Variants in TMEM132B observed in about 807,000 individuals in gnomAD.
The protein encoded by TMEM132B is transmembrane protein 132B.
TMEM132B carries 18 observed loss-of-function variants against 90.8 expected under a neutral mutation model. That is an observed-to-expected ratio of 0.20 (90% confidence interval 0.14 to 0.29). The LOEUF (loss-of-function observed/expected upper bound fraction) is 0.29. Among genes scored for constraint, TMEM132B ranks in the 10% least tolerant of loss-of-function variants. TMEM132B has a pLI of 1.00. For missense variants in TMEM132B, 1,096 were observed against 1,326.8 expected (o/e 0.83, Z 2.70); for synonymous variants, 504 against 523.3 (o/e 0.96, Z 0.50).
chr12:125,447,282 G>A (rs1303843856), intron 3 of TMEM132B, among the ~76,000 whole-genome samples: 1 of 148,998 alleles, frequency 6.7e-6, no homozygotes, highest in Admixed American at 6.7e-5. Context: ...ATTTATTTCT[G>A]TTTTTTTTTG....
chr12:125,463,552 G>A (rs1487881469), intron 3 of TMEM132B, among the ~76,000 whole-genome samples: 6 of 152,224 alleles, frequency 3.9e-5, no homozygotes, highest in African/African-American at 1.2e-4. Context: ...CTCCATGACC[G>A]TGCACTTGGA....
At chr12:125,379,387 G>T (rs576769584) in intron 2 of TMEM132B, among the ~76,000 whole-genome samples, 1 of 152,220 alleles carries the variant, frequency 6.6e-6, no homozygotes, top group Non-Finnish European at 1.5e-5. Context: ...ATGCAGGAAG[G>T]GGCCACAAGC....
At position 125,655,913 on chromosome 12, in the gene TMEM132B, C is replaced by T; in HGVS notation, c.*1203C>T. The T allele has an allele frequency of 6.6e-6, 1 of 151,558 alleles. No homozygotes were observed. The highest frequency in any genetic ancestry group is 1.5e-5 in the Non-Finnish European group (1 of 67,906). The allele number at this position is 151,558 out of a possible 1,614,324, so 9.4% of individuals were successfully genotyped here. A position where few individuals can be genotyped will look rare whatever the true frequency, so the allele number is the denominator to read the frequency against. ...AATCATGACTTTGGCAGAGATAAAACATTGACAAGGGTGTGCATTTGTGGA... is the reference window on the plus strand; with the variant it reads ...AATCATGACTTTGGCAGAGATAAAATATTGACAAGGGTGTGCATTTGTGGA... On this transcript the variant is annotated 3_prime_UTR_variant, in exon 9 of 9. Transcript: ENST00000682704.
chr12:125,488,963 C>T (rs10773168), intron 3 of TMEM132B, among the ~76,000 whole-genome samples: 1 of 152,170 alleles, frequency 6.6e-6, no homozygotes, highest in African/African-American at 2.4e-5. Context: ...TAAAGATCTT[C>T]GGAATAAGGC....
At chr12:125,292,948 GTGT>G (rs1191029042) in intron 1 of TMEM132B, among the ~76,000 whole-genome samples, 1 of 152,216 alleles carries the variant, frequency 6.6e-6, no homozygotes, top group Non-Finnish European at 1.5e-5. Flanking sequence ...GAAAATTGAG[GTGT>G]TGTTAGCAAA....
intron 1 of TMEM132B, among the ~76,000 whole-genome samples, chr12:125,325,668 CCTGTGTGTGT>C (rs1196428819): frequency 0.023 from 3,161 of 139,442 alleles, 51 homozygotes; most frequent in Non-Finnish European, 0.029. Context: ...TGCCTCCCAC[CCTGTGTGTGT>C]GTGTGTGTGT....
intron 5 of TMEM132B, among the ~76,000 whole-genome samples, chr12:125,589,293 T>C (rs575107505): frequency 5.8e-4 from 88 of 151,830 alleles, no homozygotes; most frequent in Middle Eastern, 3.4e-3. Context: ...CCATCCTGGC[T>C]AACACGGTGA....
chr12:125,366,613 C>A (rs749111646), intron 2 of TMEM132B, among the ~76,000 whole-genome samples: 1 of 152,144 alleles, frequency 6.6e-6, no homozygotes, highest in African/African-American at 2.4e-5. Flanking sequence ...CTTTGCCTTT[C>A]AACGGTTTAG....
chr12:125,278,693 A>T (rs1002489890), intron 1 of TMEM132B, among the ~76,000 whole-genome samples: 1 of 152,154 alleles, frequency 6.6e-6, no homozygotes, highest in African/African-American at 2.4e-5. Context: ...ATTTTTATCA[A>T]ATGTTCATGT....
At chr12:125,255,658 G>C (rs1247106532) in intron 1 of TMEM132B, among the ~76,000 whole-genome samples, 2 of 152,146 alleles carry the variant, frequency 1.3e-5, no homozygotes, top group African/African-American at 4.8e-5. Context: ...AGGGACTGGG[G>C]ATCTTGGAGC....
At chr12:125,534,481 C>A (rs560755624) in intron 4 of TMEM132B, among the ~76,000 whole-genome samples, 1 of 152,196 alleles carries the variant, frequency 6.6e-6, no homozygotes, top group Non-Finnish European at 1.5e-5. Flanking sequence ...CATGCCATTG[C>A]ACTCCAGCTT....
intron 4 of TMEM132B, among the ~76,000 whole-genome samples, chr12:125,546,123 G>A (rs1489111455): frequency 3.3e-5 from 5 of 151,812 alleles, no homozygotes; most frequent in Admixed American, 6.6e-5. Flanking sequence ...TATATATAAT[G>A]TATACATCTT....
chr12:125,284,888 T>C (rs1339390720), intron 1 of TMEM132B, among the ~76,000 whole-genome samples: 1 of 152,230 alleles, frequency 6.6e-6, no homozygotes, highest in Admixed American at 6.5e-5. Flanking sequence ...TTTTCAGAGA[T>C]AAGAAGGCTT....
intron 3 of TMEM132B, among the ~76,000 whole-genome samples, chr12:125,432,247 T>C (rs1032862633): frequency 2.0e-5 from 3 of 151,246 alleles, no homozygotes; most frequent in Non-Finnish European, 2.9e-5. Flanking sequence ...CAGGTGCATC[T>C]ATCGTTTTAT....
At chr12:125,646,681 A>G (rs922673564) in intron 6 of TMEM132B, among the ~76,000 whole-genome samples, 1 of 152,238 alleles carries the variant, frequency 6.6e-6, no homozygotes, top group African/African-American at 2.4e-5. Flanking sequence ...TTAGAACTTA[A>G]GTGCACAAAA....
chr12:125,565,357 C>T (rs1220534036), intron 4 of TMEM132B, among the ~76,000 whole-genome samples: 2 of 152,216 alleles, frequency 1.3e-5, no homozygotes, highest in African/African-American at 2.4e-5. Context: ...GGGCAAGTGC[C>T]TCTGGGCTCC....
At chr12:125,190,264 C>G (rs1244562228) in intron 1 of TMEM132B, among the ~76,000 whole-genome samples, 1 of 152,212 alleles carries the variant, frequency 6.6e-6, no homozygotes, top group Admixed American at 6.5e-5. Flanking sequence ...CTTTAGGGAA[C>G]TGTGACTCCA....
At chr12:125,433,189 T>A (rs1423851355) in intron 3 of TMEM132B, among the ~76,000 whole-genome samples, 1 of 152,184 alleles carries the variant, frequency 6.6e-6, no homozygotes, top group Non-Finnish European at 1.5e-5. Context: ...TAACTGCAGG[T>A]TTACAGGATT....
chr12:125,654,017 A>G lies in TMEM132B; in HGVS notation c.2559A>G (p.Thr853=), dbSNP rs765815881. Residue 853 remains threonine (T), a synonymous_variant, in exon 9 of 9, where the codon ACA becomes ACG. Coordinates refer to ENST00000682704, the MANE Select transcript of TMEM132B (RefSeq NM_001366854.1). This position sits in a 1 kb window ranked among gnomAD's most constrained non-coding sequence, Gnocchi z 5.8. ...VGQEESTNKS[T]TPQSPMEGKN... ...AAGAGGAAAGTACCAACAAAAGCAC[A>G]ACCCCCCAGTCTCCCATGGAAGGGA... The G allele has an allele frequency of 6.2e-7, 1 of 1,614,190 alleles. No homozygotes were observed. Among genetic ancestry groups the G allele is most frequent in the South Asian group, 1.1e-5 (1 of 91,082 alleles).
Sources: gnomAD v4.1 joint callset for allele counts (sites outside exome capture counted in the v4.1 genomes callset) on GRCh38, gnomAD v4.1.1 for gene constraint, Gnocchi (gnomAD v3.1) non-coding constraint, MANE v1.5 for transcripts, NCBI Gene and HGNC (gene_info 2026-07-23, HGNC 2026-07-21) for gene names.